The following MRPL39 variants were observed in gnomAD, a reference collection of about 807,000 sequenced individuals.
MRPL39 encodes large ribosomal subunit protein mL39.
Under a neutral mutation model 44.5 loss-of-function variants are expected in MRPL39, and 35 were observed. That is an observed-to-expected ratio of 0.79 (90% CI 0.60 to 1.04). The LOEUF (loss-of-function observed/expected upper bound fraction) is 1.04. Among genes scored for constraint, MRPL39 ranks in the 50% least tolerant of loss-of-function variants. The probability of loss-of-function intolerance (pLI) is 0.00; values close to 1 mark genes in which losing one functional copy is unlikely to be tolerated. For synonymous variants in MRPL39, 139 were observed against 136.1 expected (o/e 1.02, Z -0.15); for missense variants, 433 against 413.5 (o/e 1.05, Z -0.41).
chr21:25,603,127 ACTT>A (rs1343788391), intron 3 of MRPL39, among the ~76,000 whole-genome samples: 2 of 152,114 alleles, frequency 1.3e-5, no homozygotes, highest in East Asian at 1.9e-4. Flanking sequence ...AGTCAATTAA[ACTT>A]CTTTTCTTTA....
At chr21:25,596,248 G>C (rs901520805) in intron 6 of MRPL39, among the ~76,000 whole-genome samples, 1 of 152,094 alleles carries the variant, frequency 6.6e-6, no homozygotes, top group African/African-American at 2.4e-5. Flanking sequence ...ACAGGCGCCC[G>C]CCACCACGCC....
chr21:25,604,916 C>T (rs9982845), intron 2 of MRPL39, among the ~76,000 whole-genome samples: 106,713 of 152,122 alleles, frequency 0.7, 38,882 homozygotes, highest in Non-Finnish European at 0.82. Context: ...GCTGAGGATG[C>T]TTCAGAAGCT....
At chr21:25,592,986 T>C (rs1555852008) in intron 7 of MRPL39, 21 bp from the exon 8 acceptor site, 9 of 1,560,998 alleles carry the variant, frequency 5.8e-6, no homozygotes, top group African/African-American at 2.8e-5. Flanking sequence ...TAAAAATAAA[T>C]AAACAAAACT....
intron 7 of MRPL39, among the ~76,000 whole-genome samples, chr21:25,593,643 T>C (rs988138510): frequency 2.0e-5 from 3 of 152,098 alleles, no homozygotes; most frequent in East Asian, 3.9e-4. Context: ...TAAACAGTGG[T>C]TTTCAACTCA....
chr21:25,602,873 T>C (rs2031561160), intron 3 of MRPL39, among the ~76,000 whole-genome samples: 1 of 152,248 alleles, frequency 6.6e-6, no homozygotes, highest in Non-Finnish European at 1.5e-5. Flanking sequence ...GGTTTAGCCC[T>C]GTGTTCCCAC....
chr21:25,587,646 T>A (rs1019665455), intron 9 of MRPL39: 2 of 1,244,538 alleles, frequency 1.6e-6, no homozygotes, highest in Non-Finnish European at 2.4e-6. Flanking sequence ...AAATAGTATG[T>A]GGACATATAC....
intron 5 of MRPL39, among the ~76,000 whole-genome samples, chr21:25,598,111 T>C (rs1022481183): frequency 6.6e-6 from 1 of 152,140 alleles, no homozygotes; most frequent in Non-Finnish European, 1.5e-5. Context: ...AAAAATCCTA[T>C]TAGACTTTTT....
At position 25,607,367 on chromosome 21, in the gene MRPL39, GC is replaced by G. The variant is rs781729336; in HGVS notation, c.73+35del. 1.1e-5 allele frequency: 17 copies of G among 1,611,142 alleles called. No homozygotes were observed. In the African/African-American group the frequency reaches 2.1e-4, roughly 20 times the overall value. ...AATCTAGACAGACACCACTATCTAGGCCTCGCTCCCTGTCCCTACGGCCTCT... is the reference window on the plus strand; with the variant it reads ...AATCTAGACAGACACCACTATCTAGGCTCGCTCCCTGTCCCTACGGCCTCT... On this transcript the variant is annotated intron_variant, in intron 1 of 9. Coordinates refer to ENST00000352957, the MANE Select transcript of MRPL39 (RefSeq NM_017446.4).
chr21:25,594,050 T>A, intron 6 of MRPL39, 92 bp from the exon 7 acceptor site: 1 of 1,073,374 alleles, frequency 9.3e-7, no homozygotes, highest in Non-Finnish European at 1.4e-6. Context: ...TCTTCAGCCA[T>A]ACTTTCTGAG....
At chr21:25,594,013 G>A in intron 6 of MRPL39, 55 bp from the exon 7 acceptor site, 1 of 1,421,724 alleles carries the variant, frequency 7.0e-7, no homozygotes, top group South Asian at 1.2e-5. Flanking sequence ...GTAAAAAGGT[G>A]TTTAAAGATA....
At position 25,601,436 on chromosome 21, in the gene MRPL39, C is replaced by G; in HGVS notation, c.452G>C (p.Gly151Ala). The G allele has an allele frequency of 6.2e-7, 1 of 1,605,004 alleles. No homozygotes were observed. The highest frequency in any genetic ancestry group is 1.1e-5 in the South Asian group (1 of 89,558). ...AYWRSCAMMM[G>A]CVIERAFKDE... ...TTTGAATGCCCTCTCTATCACACAG[C>G]CCATCATCATAGCACAGGAACGCCA... Residue 151 changes from glycine to alanine, a missense_variant, in exon 4 of 10, where the codon GGC becomes GCC. Gly to Ala is a moderately conservative substitution (Grantham distance 60). Coordinates refer to ENST00000352957, the MANE Select transcript of MRPL39 (RefSeq NM_017446.4).
intron 3 of MRPL39, among the ~76,000 whole-genome samples, chr21:25,602,977 G>A (rs917096154): frequency 4.6e-5 from 7 of 152,168 alleles, no homozygotes; most frequent in African/African-American, 1.7e-4. Context: ...AGTGAGTTGA[G>A]TTCTCATGAG....
At chr21:25,586,774 C>A (rs1446519990) in intron 9 of MRPL39, among the ~76,000 whole-genome samples, 1 of 152,198 alleles carries the variant, frequency 6.6e-6, no homozygotes, top group East Asian at 1.9e-4. Context: ...CTTTTATTCA[C>A]CCTTTAAAAT....
rs115701400 is a variant in MRPL39, at chr21:25,588,164, T to C, written c.969+671A>G. On this transcript the variant is annotated intron_variant, in intron 9 of 9. Coordinates refer to ENST00000352957, the MANE Select transcript of MRPL39 (RefSeq NM_017446.4). Reference sequence around the variant, plus strand: ...GTCTCTACTAAAAATACAAAAAAATTAGTTGGACGTAGTGGTGGGCACCCA... The same window carrying C: ...GTCTCTACTAAAAATACAAAAAAATCAGTTGGACGTAGTGGTGGGCACCCA... Among the ~76,000 whole-genome samples, 839 of 151,984 alleles carry C rather than the reference T, an allele frequency of 5.5e-3. 8 individuals are homozygous for C. The highest frequency in any genetic ancestry group is 0.019 in the African/African-American group (791 of 41,444).
At chr21:25,594,197 G>A (rs1245562502) in intron 6 of MRPL39, among the ~76,000 whole-genome samples, 4 of 149,824 alleles carry the variant, frequency 2.7e-5, no homozygotes, top group Non-Finnish European at 5.9e-5. Flanking sequence ...TAATACCAAT[G>A]CTCACCTCCA....
chr21:25,597,264 G>A (rs1369250094), intron 6 of MRPL39, 38 bp downstream of exon 6: 2 of 1,297,864 alleles, frequency 1.5e-6, no homozygotes, highest in African/African-American at 3.0e-5. Flanking sequence ...TATAATACTG[G>A]GAGAGTTAGC....
At chr21:25,598,259 TG>T (rs1357095725) in intron 5 of MRPL39, among the ~76,000 whole-genome samples, 1 of 16,408 alleles carries the variant, frequency 6.1e-5, no homozygotes, top group East Asian at 9.9e-4. Context: ...CCATGGAGTC[TG>T]CAATCAGCTC....
chr21:25,607,117 A>G (rs2123263878), intron 1 of MRPL39, among the ~76,000 whole-genome samples: 1 of 152,374 alleles, frequency 6.6e-6, no homozygotes, highest in East Asian at 1.9e-4. Context: ...ACATGGACAG[A>G]TGTGCACGGA....
At position 25,601,422 on chromosome 21, in the gene MRPL39, TC is replaced by T; in HGVS notation, c.465del (p.Arg156GlyfsTer19). The part of the protein sequence containing the change: ...SCAMMMGCVI[E>X]RAFKDEYMVN... ...ACCATATATTCATCTTTGAATGCCC[TC>T]TCTATCACACAGCCCATCATCATAG... is the stretch of plus-strand genomic sequence containing the variant. On this transcript the variant is annotated frameshift_variant, in exon 4 of 10. Transcript: ENST00000352957. LOFTEE classifies it high-confidence loss of function. 6.2e-7 allele frequency: 1 copy of T among 1,610,688 alleles called. No individual in the cohort carries two copies. Among genetic ancestry groups the T allele is most frequent in the Admixed American group, 1.7e-5 (1 of 59,868 alleles).
Sources: gnomAD v4.1 joint callset for allele counts (sites outside exome capture counted in the v4.1 genomes callset) on GRCh38, gnomAD v4.1.1 for gene constraint, MANE v1.5 for transcripts, NCBI Gene and HGNC (gene_info 2026-07-23, HGNC 2026-07-21) for gene names.